The following PTPRN2 variants were observed in gnomAD, a reference collection of about 807,000 sequenced individuals.
PTPRN2 encodes the protein protein tyrosine phosphatase receptor type N2, also known as receptor-type tyrosine-protein phosphatase N2.
In PTPRN2, 74 loss-of-function variants were observed where a neutral mutation model predicts 118.8. That is an observed-to-expected ratio of 0.62 (90% CI 0.52 to 0.76). The LOEUF (loss-of-function observed/expected upper bound fraction) is 0.76. Ranked by LOEUF, PTPRN2 falls within the 30% of genes least tolerant of loss-of-function variation. PTPRN2 has a pLI of 0.00. For missense variants in PTPRN2, 1,481 were observed against 1,394.4 expected, an observed-to-expected ratio of 1.06 and a Z score of -0.99; for synonymous variants, 641 against 608.0, an observed-to-expected ratio of 1.05 and a Z score of -0.80.
chr7:157,714,507 GA>G (rs1301937851), intron 12 of PTPRN2, among the ~76,000 whole-genome samples: 1 of 152,204 alleles, frequency 6.6e-6, no homozygotes, highest in Non-Finnish European at 1.5e-5. Context: ...AAGATCTGTA[GA>G]AAAATCTATG....
chr7:157,945,670 G>A (rs1255857539), intron 11 of PTPRN2, among the ~76,000 whole-genome samples: 1 of 150,738 alleles, frequency 6.6e-6, no homozygotes, highest in African/African-American at 2.4e-5. Flanking sequence ...CCTCCAGCTT[G>A]GACGATGCCG....
At chr7:158,079,085 C>T (rs752473738) in intron 11 of PTPRN2, among the ~76,000 whole-genome samples, 4 of 152,274 alleles carry the variant, frequency 2.6e-5, no homozygotes, top group South Asian at 4.2e-4. Flanking sequence ...TCAAGTGACC[C>T]GCCCACCTTG....
intron 12 of PTPRN2, among the ~76,000 whole-genome samples, chr7:157,693,076 G>T (rs925153326): frequency 6.6e-6 from 1 of 152,000 alleles, no homozygotes; most frequent in South Asian, 2.1e-4. Context: ...GGTGGCGCTG[G>T]GGGGCGGGGG....
At chr7:158,248,742 A>G (rs1796424682) in intron 3 of PTPRN2, among the ~76,000 whole-genome samples, 1 of 76,876 alleles carries the variant, frequency 1.3e-5, no homozygotes, top group African/African-American at 6.3e-5. Context: ...ATGCCCCTAC[A>G]CACGCACACA....
intron 11 of PTPRN2, among the ~76,000 whole-genome samples, chr7:157,901,745 T>C (rs10277415): frequency 0.064 from 2,657 of 41,562 alleles, 151 homozygotes; most frequent in East Asian, 0.09. Context: ...GGTGGGGCCT[T>C]CCCGTCCGTG....
intron 1 of PTPRN2, among the ~76,000 whole-genome samples, chr7:158,535,057 A>C (rs1015659857): frequency 1.3e-5 from 2 of 152,170 alleles, no homozygotes; most frequent in African/African-American, 4.8e-5. Flanking sequence ...TTCCTCCTGC[A>C]TTGCCTCCCA....
intron 14 of PTPRN2, among the ~76,000 whole-genome samples, chr7:157,631,899 T>C (rs1334101635): frequency 6.6e-6 from 1 of 151,808 alleles, no homozygotes; most frequent in Non-Finnish European, 1.5e-5. Context: ...AATGACATGC[T>C]TTTTTCAAAG....
intron 11 of PTPRN2, among the ~76,000 whole-genome samples, chr7:157,917,141 C>A (rs367734336): frequency 9.2e-6 from 1 of 109,080 alleles, no homozygotes; most frequent in Admixed American, 8.9e-5. Flanking sequence ...GTCCCCACCA[C>A]GGCAGGGGCT....
At chr7:158,210,356 C>T (rs1194349628) in intron 3 of PTPRN2, among the ~76,000 whole-genome samples, 3 of 151,760 alleles carry the variant, frequency 2.0e-5, no homozygotes, top group Admixed American at 6.6e-5. Flanking sequence ...AGGATGGTCT[C>T]GATCTCCTGA....
intron 2 of PTPRN2, among the ~76,000 whole-genome samples, chr7:158,469,923 G>A (rs532489005): frequency 3.3e-5 from 5 of 150,252 alleles, no homozygotes; most frequent in Non-Finnish European, 5.9e-5. Flanking sequence ...GCATCATAAC[G>A]GGCTGTTGCC....
In PTPRN2 at chr7:157,619,823, G is replaced by A. The variant is rs564409996; in HGVS notation, c.2344+1539C>T. ...GGCAAGGGCAGTGCCTCTCCCTGGC[G>A]TGGGGGGCTGTGCTGCTGGTACGGG... On this transcript the variant is annotated intron_variant, in intron 15 of 22. Coordinates refer to ENST00000389418, the MANE Select transcript of PTPRN2 (RefSeq NM_002847.5). This position sits in a 1 kb window ranked among gnomAD's most constrained non-coding sequence, Gnocchi z 5.3. Among the ~76,000 whole-genome samples, 8 of 152,356 alleles carry A rather than the reference G, an allele frequency of 5.3e-5. No individual in the cohort carries two copies. The highest frequency in any genetic ancestry group is 9.6e-5 in the African/African-American group (4 of 41,586).
At chr7:158,107,837 C>T (rs556297574) in intron 10 of PTPRN2, among the ~76,000 whole-genome samples, 1 of 152,002 alleles carries the variant, frequency 6.6e-6, no homozygotes, top group African/African-American at 2.4e-5. Flanking sequence ...ATATCTGCAT[C>T]TGCCCTGCAC....
chr7:157,961,898 C>T (rs867232510), intron 11 of PTPRN2, among the ~76,000 whole-genome samples: 1 of 152,014 alleles, frequency 6.6e-6, no homozygotes, highest in African/African-American at 2.4e-5. Context: ...CCAGGAGACC[C>T]GGCGGCGGCC....
intron 11 of PTPRN2, among the ~76,000 whole-genome samples, chr7:158,077,510 C>T (rs183441791): frequency 2.1e-5 from 3 of 141,116 alleles, no homozygotes; most frequent in African/African-American, 8.7e-5. Flanking sequence ...AGGAGCCCCC[C>T]ATGAGCCTCA....
intron 8 of PTPRN2, among the ~76,000 whole-genome samples, chr7:158,134,874 A>C (rs1032751146): frequency 6.6e-6 from 1 of 152,204 alleles, no homozygotes; most frequent in Admixed American, 6.5e-5. Flanking sequence ...TGGAGTTTAC[A>C]GAGGTTAAAT....
intron 12 of PTPRN2, among the ~76,000 whole-genome samples, chr7:157,698,031 T>G (rs551382587): frequency 6.6e-6 from 1 of 152,240 alleles, no homozygotes; most frequent in African/African-American, 2.4e-5. Flanking sequence ...CATCTACCCA[T>G]GCATACTGGA....
At chr7:158,363,110 CT>C (rs1809132224) in intron 2 of PTPRN2, among the ~76,000 whole-genome samples, 1 of 152,192 alleles carries the variant, frequency 6.6e-6, no homozygotes, top group African/African-American at 2.4e-5. Flanking sequence ...CTCGAAAGCC[CT>C]TTCCCTGGGG....
intron 11 of PTPRN2, among the ~76,000 whole-genome samples, chr7:157,949,801 A>T (rs1446599240): frequency 6.6e-6 from 1 of 152,230 alleles, no homozygotes; most frequent in Non-Finnish European, 1.5e-5. Context: ...AAGCACTGTG[A>T]CTGGAGAGGG....
intron 10 of PTPRN2, among the ~76,000 whole-genome samples, chr7:158,105,706 T>G (rs1815628647): frequency 6.6e-6 from 1 of 150,734 alleles, no homozygotes; most frequent in African/African-American, 2.4e-5. Flanking sequence ...CCACCTCATC[T>G]CCATCCACAA....
Sources: allele counts gnomAD v4.1 joint callset (sites outside exome capture counted in the v4.1 genomes callset), GRCh38; gene constraint gnomAD v4.1.1; non-coding constraint Gnocchi (gnomAD v3.1); transcripts MANE v1.5; gene names NCBI Gene and HGNC (gene_info 2026-07-23, HGNC 2026-07-21).